The following ALAS2 variants were observed in gnomAD, a reference collection of about 807,000 sequenced individuals.
The protein encoded by ALAS2 is 5'-aminolevulinate synthase 2.
In ALAS2, 3 loss-of-function variants were observed where a neutral mutation model predicts 33.7. That is an observed-to-expected ratio of 0.09 (90% CI 0.04 to 0.23). The LOEUF (loss-of-function observed/expected upper bound fraction) is 0.23. Among genes scored for constraint, ALAS2 ranks in the 10% least tolerant of loss-of-function variants. The pLI, the probability that ALAS2 is intolerant of heterozygous loss-of-function variation, is 1.00. For missense variants in ALAS2, 304 were observed against 475.1 expected, an observed-to-expected ratio of 0.64 and a Z score of 3.35; for synonymous variants, 191 against 177.3, an observed-to-expected ratio of 1.08 and a Z score of -0.61.
At chrX:55,012,007 T>C (rs1935609070) in intron 10 of ALAS2, among the ~76,000 whole-genome samples, 1 of 111,970 alleles carries the variant, frequency 8.9e-6, no homozygotes, top group African/African-American at 3.3e-5. Flanking sequence ...TTGTGGGGAT[T>C]AGATGAGTTA....
intron 7 of ALAS2, 68 bp downstream of exon 7, chrX:55,017,418 C>A: frequency 1.0e-6 from 1 of 982,575 alleles, no homozygotes. Context: ...TCGTCATCAT[C>A]ATCATCATGA....
At chrX:55,028,638 A>C (rs1935934789) in intron 1 of ALAS2, among the ~76,000 whole-genome samples, 2 of 111,250 alleles carry the variant, frequency 1.8e-5, no homozygotes, top group Non-Finnish European at 1.9e-5. Flanking sequence ...TTGAATTCTC[A>C]AGTTCTTTCA....
intron 7 of ALAS2, 92 bp downstream of exon 7, chrX:55,017,394 C>T: frequency 1.2e-6 from 1 of 822,391 alleles, no homozygotes; most frequent in Non-Finnish European, 1.8e-6. Flanking sequence ...TAAATATTAG[C>T]TGTTATAATG....
intron 10 of ALAS2, among the ~76,000 whole-genome samples, chrX:55,011,106 A>G (rs1487216433): frequency 9.0e-6 from 1 of 111,172 alleles, no homozygotes; most frequent in Non-Finnish European, 1.9e-5. Flanking sequence ...AACAAAATGC[A>G]TGTGGGGAGG....
intron 1 of ALAS2, among the ~76,000 whole-genome samples, chrX:55,028,138 T>C (rs913273145): frequency 9.0e-6 from 1 of 111,043 alleles, no homozygotes; most frequent in South Asian, 3.8e-4. Flanking sequence ...TGGAGATATG[T>C]GTTTCCCTTC....
chrX:55,024,942 G>C (rs1935868020), intron 2 of ALAS2, 102 bp from the exon 3 acceptor site: 1 of 1,063,362 alleles, frequency 9.4e-7, no homozygotes, highest in Admixed American at 2.2e-5. Flanking sequence ...CCTATCTCAG[G>C]CTATTGTAGA....
At position 55,020,402 on chromosome X, in the gene ALAS2, G is replaced by A. The variant is rs1057515971; in HGVS notation, c.741C>T (p.His247=). Residue 247 remains histidine, a synonymous_variant, in exon 6 of 11, where the codon CAC becomes CAT. Transcript: ENST00000650242. ...AGAAGAGCAGGGCTGAGTCCTTCTG[G>A]TGCAGCTCAGCCAGCTCCTGCTCAA... ...VELEQELAEL[H]QKDSALLFSS... 2 of 1,203,659 alleles carry A rather than the reference G, an allele frequency of 1.7e-6. No individual in the cohort carries two copies. The highest frequency in any genetic ancestry group is 1.8e-5 in the South Asian group (1 of 55,112).
intron 6 of ALAS2, 92 bp from the exon 7 acceptor site, chrX:55,017,757 T>C: frequency 1.1e-6 from 1 of 944,394 alleles, no homozygotes; most frequent in Non-Finnish European, 1.5e-6. Flanking sequence ...GGGCCAACCC[T>C]TTCTTCCCTT....
chrX:55,010,143 C>G (rs1402205070), intron 10 of ALAS2, among the ~76,000 whole-genome samples: 1 of 111,281 alleles, frequency 9.0e-6, no homozygotes, highest in Non-Finnish European at 1.9e-5. Flanking sequence ...TCTCTCTTAC[C>G]CTATATCCCA....
intron 6 of ALAS2, among the ~76,000 whole-genome samples, chrX:55,019,042 A>T (rs1935753089): frequency 9.0e-6 from 1 of 111,366 alleles, no homozygotes; most frequent in Non-Finnish European, 1.9e-5. Flanking sequence ...TGTGCTGAAG[A>T]ATCAGCAGGA....
chrX:55,024,621 G>A (rs1439603111), intron 3 of ALAS2, 97 bp downstream of exon 3: 4 of 1,118,134 alleles, frequency 3.6e-6, no homozygotes, highest in Non-Finnish European at 3.7e-6. Flanking sequence ...CATGGGATGT[G>A]TACTGGCTGC....
At chrX:55,026,332 G>C (rs762109023) in intron 1 of ALAS2, among the ~76,000 whole-genome samples, 1 of 112,211 alleles carries the variant, frequency 8.9e-6, no homozygotes, top group East Asian at 2.8e-4. Flanking sequence ...GTGTTTTTGT[G>C]TGGCAGGATG....
At chrX:55,019,715 G>A (rs527253242) in intron 6 of ALAS2, among the ~76,000 whole-genome samples, 20 of 111,832 alleles carry the variant, frequency 1.8e-4, no homozygotes, top group African/African-American at 5.5e-4. Flanking sequence ...ACAACAAGGC[G>A]TATGAGGTGA....
intron 10 of ALAS2, 80 bp from the exon 11 acceptor site, chrX:55,009,423 G>A (rs962751563): frequency 4.0e-6 from 4 of 1,012,003 alleles, no homozygotes; most frequent in Non-Finnish European, 5.4e-6. Context: ...GATGAGCCAA[G>A]ATATTGATCC....
At position 55,014,911 on chromosome X, in the gene ALAS2, G is replaced by A. The variant is rs1350671858; in HGVS notation, c.1273C>T (p.Pro425Ser). 4 of 1,207,135 alleles carry A rather than the reference G, an allele frequency of 3.3e-6. No homozygotes were observed. The highest frequency in any genetic ancestry group is 4.4e-5 in the Admixed American group (2 of 45,604). ...TCTAGAGCTCCAGAGAGCACCATGG[G>A]GGGCAGAGAAGTGGTAAAGATGAAG... Reference protein sequence around the residue: ...AGFIFTTSLPPMVLSGALESV... With the variant: ...AGFIFTTSLPSMVLSGALESV... Residue 425 changes from proline to serine, a missense_variant, in exon 9 of 11, where the codon CCC (proline) becomes TCC (serine). Transcript: ENST00000650242.
intron 6 of ALAS2, 82 bp downstream of exon 6, chrX:55,020,238 G>A: frequency 2.0e-6 from 2 of 999,222 alleles, no homozygotes; most frequent in Non-Finnish European, 2.8e-6. Context: ...TCCAAATACA[G>A]GGAAGGAGTG....
chrX:55,016,176 G>A (rs1225595618), intron 7 of ALAS2, among the ~76,000 whole-genome samples: 1 of 110,203 alleles, frequency 9.1e-6, no homozygotes, highest in Non-Finnish European at 1.9e-5. Context: ...CAACAGTTTG[G>A]GCAGAGTTTG....
At chrX:55,012,440 G>T (rs1935617931) in intron 10 of ALAS2, among the ~76,000 whole-genome samples, 1 of 111,831 alleles carries the variant, frequency 8.9e-6, no homozygotes, top group South Asian at 3.7e-4. Flanking sequence ...CTGCCTACAT[G>T]TCTTTCATCC....
chrX:55,030,412 G>GCT (rs759098853), intron 1 of ALAS2, among the ~76,000 whole-genome samples: 1 of 110,811 alleles, frequency 9.0e-6, no homozygotes, highest in Non-Finnish European at 1.9e-5. Context: ...TCCCTCCCTA[G>GCT]CTCTTCCCCC....
Sources: allele counts gnomAD v4.1 joint callset (sites outside exome capture counted in the v4.1 genomes callset), GRCh38; gene constraint gnomAD v4.1.1; transcripts MANE v1.5; gene names NCBI Gene and HGNC (gene_info 2026-07-23, HGNC 2026-07-21).